Variants in PID1 observed in about 807,000 individuals in gnomAD.
PID1 encodes the protein PTB-containing, cubilin and LRP1-interacting protein.
In PID1, 10 loss-of-function variants were observed where a neutral mutation model predicts 19.1. The observed-to-expected ratio is 0.52, with a 90% CI of 0.32 to 0.89. The LOEUF is 0.89. Among genes scored for constraint, PID1 ranks in the 40% least tolerant of loss-of-function variants. PID1 has a pLI of 0.03. For synonymous variants in PID1, 130 were observed against 116.0 expected (o/e 1.12, Z -0.78); for missense variants, 248 against 285.3 (o/e 0.87, Z 0.94).
chr2:229,070,590 G>A (rs776517692), intron 2 of PID1, among the ~76,000 whole-genome samples: 8 of 152,064 alleles, frequency 5.3e-5, no homozygotes, highest in Non-Finnish European at 4.4e-5. Flanking sequence ...CCCAAAATTC[G>A]GTTCCAATGT....
At chr2:229,039,992 C>T (rs1345469768) in intron 2 of PID1, among the ~76,000 whole-genome samples, 1 of 152,048 alleles carries the variant, frequency 6.6e-6, no homozygotes, top group Non-Finnish European at 1.5e-5. Context: ...AATCTAAATG[C>T]TCATACCAAA....
At chr2:229,127,043 T>C (rs1209958417) in intron 2 of PID1, among the ~76,000 whole-genome samples, 1 of 152,130 alleles carries the variant, frequency 6.6e-6, no homozygotes, top group Non-Finnish European at 1.5e-5. Context: ...GGAGAGAGAA[T>C]AAAAGGCCAT....
intron 2 of PID1, among the ~76,000 whole-genome samples, chr2:229,144,469 T>C (rs1690084957): frequency 6.6e-6 from 1 of 152,148 alleles, no homozygotes; most frequent in South Asian, 2.1e-4. Context: ...TGTAGGTGTA[T>C]ATAAAACTAT....
rs1559198440 is a variant in PID1, at chr2:229,025,806, G to A, written c.480C>T (p.Tyr160=). The stretch of plus-strand genomic sequence containing the variant: ...ACTCCACGGCGTGGCAGTCCATCTG[G>A]TAGGACAGGTCATCATTGATCTCCC... ...VYREINDDLS[Y]QMDCHAVECE... Residue 160 remains tyrosine, a synonymous_variant, in exon 3 of 3, where the codon TAC becomes TAT. Coordinates refer to ENST00000392055, the MANE Select transcript of PID1 (RefSeq NM_001100818.2). 1.9e-6 allele frequency: 3 copies of A among 1,614,134 alleles called. No individual in the cohort carries two copies. The highest frequency in any genetic ancestry group is 2.2e-5 in the East Asian group (1 of 44,882).
At chr2:229,268,267 A>G (rs2106297225) in intron 1 of PID1, among the ~76,000 whole-genome samples, 1 of 152,314 alleles carries the variant, frequency 6.6e-6, no homozygotes, top group African/African-American at 2.4e-5. Context: ...GGGACACAGA[A>G]GTGTGGGTAA....
intron 1 of PID1, among the ~76,000 whole-genome samples, chr2:229,264,179 G>T (rs1690535194): frequency 6.6e-6 from 1 of 152,126 alleles, no homozygotes; most frequent in South Asian, 2.1e-4. Context: ...GGATAGTTGG[G>T]AGCAAACATG....
At chr2:229,207,616 A>T (rs1691635987) in intron 1 of PID1, among the ~76,000 whole-genome samples, 1 of 151,402 alleles carries the variant, frequency 6.6e-6, no homozygotes, top group Admixed American at 6.6e-5. Context: ...CGGTTCTCAG[A>T]TGCAGACGGT....
intron 2 of PID1, among the ~76,000 whole-genome samples, chr2:229,145,141 A>T (rs1690099697): frequency 9.1e-6 from 1 of 109,516 alleles, no homozygotes; most frequent in African/African-American, 3.6e-5. Flanking sequence ...TGCTGAGTTT[A>T]AATATATGTA....
chr2:229,179,967 C>T (rs980937119), intron 1 of PID1, among the ~76,000 whole-genome samples: 2 of 152,216 alleles, frequency 1.3e-5, no homozygotes, highest in South Asian at 4.1e-4. Context: ...ACATATCCCC[C>T]ACCCAGCACA....
chr2:229,217,675 G>C (rs1020859305), intron 1 of PID1, among the ~76,000 whole-genome samples: 1 of 152,196 alleles, frequency 6.6e-6, no homozygotes, highest in Non-Finnish European at 1.5e-5. Context: ...ATAATACAGA[G>C]ATACTCAATG....
At position 229,026,033 on chromosome 2, in the gene PID1, G is replaced by GCTCAATGAC; in HGVS notation, c.244_252dup (p.Val82_Glu84dup). The GCTCAATGAC allele has an allele frequency of 6.2e-7, 1 of 1,614,206 alleles. No individual in the cohort carries two copies. Among genetic ancestry groups the GCTCAATGAC allele is most frequent in the Non-Finnish European group, 8.5e-7 (1 of 1,180,026 alleles). On this transcript the variant is annotated inframe_insertion, in exon 3 of 3. Coordinates refer to ENST00000392055, the MANE Select transcript of PID1 (RefSeq NM_001100818.2). ...CGGGCTAGCGTGTGCTTCTTCCAGA[G>GCTCAATGAC]CTCAATGACTGGCTTTTCTGTGCAG...
At chr2:229,126,565 G>A (rs1002145381) in intron 2 of PID1, among the ~76,000 whole-genome samples, 1 of 152,184 alleles carries the variant, frequency 6.6e-6, no homozygotes, top group South Asian at 2.1e-4. Flanking sequence ...ATGGCTGCCT[G>A]TGAGATAAAT....
intron 1 of PID1, among the ~76,000 whole-genome samples, chr2:229,204,111 C>G (rs563508335): frequency 6.6e-6 from 1 of 152,188 alleles, no homozygotes; most frequent in East Asian, 1.9e-4. Context: ...TCAATACACA[C>G]CATGCCTGAA....
intron 1 of PID1, among the ~76,000 whole-genome samples, chr2:229,175,901 G>T (rs989559172): frequency 7.9e-5 from 12 of 152,074 alleles, no homozygotes; most frequent in Admixed American, 2.6e-4. Context: ...ACTAGAAAAG[G>T]TTTTTTTACA....
chr2:229,119,101 G>T (rs981778509), intron 2 of PID1, among the ~76,000 whole-genome samples: 9 of 152,290 alleles, frequency 5.9e-5, no homozygotes, highest in Admixed American at 5.2e-4. Flanking sequence ...AATGCCATTG[G>T]CCAGGGAGCT....
At chr2:229,027,665 G>C (rs1479803814) in intron 2 of PID1, among the ~76,000 whole-genome samples, 1 of 152,112 alleles carries the variant, frequency 6.6e-6, no homozygotes, top group Admixed American at 6.5e-5. Context: ...CTACATAGGA[G>C]CCCAGCAAGT....
At position 229,120,702 on chromosome 2, in the gene PID1, C is replaced by A. The variant is rs541143936; in HGVS notation, c.177+35116G>T. 1.6e-4 allele frequency among the ~76,000 whole-genome samples: 25 copies of A among 151,888 alleles called. No homozygotes were observed. In the South Asian group the frequency reaches 4.4e-3, roughly 27 times the overall value. ...TGGTTTGGATATCATTTGTCCCCAC[C>A]AAAACTCATGTTGAAATTTGGTCCC... On this transcript the variant is annotated intron_variant, in intron 2 of 2. Coordinates refer to ENST00000392055, the MANE Select transcript of PID1 (RefSeq NM_001100818.2).
intron 2 of PID1, among the ~76,000 whole-genome samples, chr2:229,147,485 G>A (rs901706121): frequency 1.5e-4 from 23 of 151,652 alleles, no homozygotes; most frequent in African/African-American, 4.6e-4. Flanking sequence ...TCTGTCCAGC[G>A]TTCTATTACA....
At chr2:229,250,445 T>C (rs1690120029) in intron 1 of PID1, among the ~76,000 whole-genome samples, 1 of 152,216 alleles carries the variant, frequency 6.6e-6, no homozygotes, top group Non-Finnish European at 1.5e-5. Flanking sequence ...ACTGTGTTGC[T>C]TTCAGCATTA....
Sources: allele counts gnomAD v4.1 joint callset (sites outside exome capture counted in the v4.1 genomes callset), GRCh38; gene constraint gnomAD v4.1.1; transcripts MANE v1.5; gene names NCBI Gene and HGNC (gene_info 2026-07-23, HGNC 2026-07-21).